FHIT: variants seen among roughly 807,000 people sequenced by gnomAD.
FHIT encodes the protein bis(5'-adenosyl)-triphosphatase.
In FHIT, 19 loss-of-function variants were observed where a neutral mutation model predicts 17.9. That is an observed-to-expected ratio of 1.06 (90% CI 0.74 to 1.56). The LOEUF (loss-of-function observed/expected upper bound fraction) is 1.56. Among genes scored for constraint, FHIT ranks in the 40% most tolerant of loss-of-function variants. The pLI is 0.00. For synonymous variants in FHIT, 81 were observed against 69.7 expected (o/e 1.16, Z -0.81); for missense variants, 248 against 189.2 (o/e 1.31, Z -1.82).
chr3:59,907,838 T>A (rs1211050986), intron 8 of FHIT, among the ~76,000 whole-genome samples: 1 of 152,250 alleles, frequency 6.6e-6, no homozygotes, highest in Admixed American at 6.5e-5. Context: ...TCTGCATTCC[T>A]TTTTGGAGGC....
intron 1 of FHIT, among the ~76,000 whole-genome samples, chr3:61,244,741 C>G (rs1169319667): frequency 1.3e-5 from 2 of 152,216 alleles, no homozygotes; most frequent in Non-Finnish European, 2.9e-5. Context: ...ACAAACAGGT[C>G]TTGCTATGTT....
intron 5 of FHIT, among the ~76,000 whole-genome samples, chr3:60,457,673 A>G (rs2032193131): frequency 6.6e-6 from 1 of 151,822 alleles, no homozygotes; most frequent in Non-Finnish European, 1.5e-5. Context: ...AATTTTTGCA[A>G]TCTACTCATC....
At chr3:60,488,854 T>A (rs79657418) in intron 5 of FHIT, among the ~76,000 whole-genome samples, 2,615 of 152,298 alleles carry the variant, frequency 0.017, 83 homozygotes, top group African/African-American at 0.059. Context: ...AAAAACTTGG[T>A]GTTAAGTTTT....
intron 4 of FHIT, among the ~76,000 whole-genome samples, chr3:60,701,400 TTTA>T (rs1334488402): frequency 1.3e-5 from 2 of 152,006 alleles, no homozygotes; most frequent in South Asian, 2.1e-4. Context: ...AGACGGGAGT[TTTA>T]TTATTACTCA....
chr3:61,232,409 T>C (rs1335289139), intron 1 of FHIT, among the ~76,000 whole-genome samples: 1 of 151,994 alleles, frequency 6.6e-6, no homozygotes, highest in Non-Finnish European at 1.5e-5. Flanking sequence ...AAAAAACGTA[T>C]TCCATAAACA....
At chr3:59,952,299 G>A (rs1212791886) in intron 7 of FHIT, among the ~76,000 whole-genome samples, 1 of 152,112 alleles carries the variant, frequency 6.6e-6, no homozygotes, top group Non-Finnish European at 1.5e-5. Context: ...TGTGCATTAA[G>A]TTCACCAGGT....
At chr3:60,319,439 TG>T (rs1709316647) in intron 5 of FHIT, among the ~76,000 whole-genome samples, 1 of 150,914 alleles carries the variant, frequency 6.6e-6, no homozygotes, top group African/African-American at 2.5e-5. Flanking sequence ...GACAGGGTGA[TG>T]TTTTTAAGGG....
intron 4 of FHIT, among the ~76,000 whole-genome samples, chr3:60,811,201 C>G (rs1553735941): frequency 6.6e-6 from 1 of 152,174 alleles, no homozygotes; most frequent in African/African-American, 2.4e-5. Flanking sequence ...TATAGTCTGA[C>G]TGTCCTGAGA....
intron 5 of FHIT, among the ~76,000 whole-genome samples, chr3:60,320,212 T>C (rs1405757815): frequency 6.6e-6 from 1 of 152,208 alleles, no homozygotes; most frequent in Non-Finnish European, 1.5e-5. Flanking sequence ...AAGCTTCCTC[T>C]TCATTTCAAA....
At chr3:60,063,300 CTAAA>C (rs780055944) in intron 5 of FHIT, among the ~76,000 whole-genome samples, 13 of 152,166 alleles carry the variant, frequency 8.5e-5, no homozygotes, top group Non-Finnish European at 1.3e-4. Flanking sequence ...TTGACAGTTA[CTAAA>C]TGAGACTGAA....
intron 3 of FHIT, among the ~76,000 whole-genome samples, chr3:60,907,364 T>G (rs1706485350): frequency 6.6e-6 from 1 of 151,872 alleles, no homozygotes; most frequent in Admixed American, 6.6e-5. Context: ...AAATACAGAC[T>G]CATGAAAGAG....
At chr3:60,941,588 T>C (rs1553774544) in intron 3 of FHIT, among the ~76,000 whole-genome samples, 3 of 152,154 alleles carry the variant, frequency 2.0e-5, no homozygotes, top group Non-Finnish European at 1.5e-5. Context: ...TTATACTTTT[T>C]CTACTGACTA....
chr3:59,783,302 C>T lies in FHIT; in HGVS notation c.349-30981G>A, dbSNP rs546110891. Among the ~76,000 whole-genome samples the T allele has an allele frequency of 9.9e-5, 15 of 152,280 alleles. 1 individual carries two copies. The South Asian group carries it at 1.5e-3, about 15-fold the overall frequency. On this transcript the variant is annotated intron_variant, in intron 8 of 9. Coordinates refer to ENST00000492590, the MANE Select transcript of FHIT (RefSeq NM_002012.4). Reference sequence around the variant, plus strand: ...TGGCCAACATGGTGAAGCCCCTTCTCTGCTAAAAATACAAAAATTAGCTGG... The same window carrying T: ...TGGCCAACATGGTGAAGCCCCTTCTTTGCTAAAAATACAAAAATTAGCTGG...
intron 8 of FHIT, among the ~76,000 whole-genome samples, chr3:59,856,521 C>T (rs947507828): frequency 1.7e-4 from 26 of 152,156 alleles, no homozygotes; most frequent in Non-Finnish European, 2.5e-4. Flanking sequence ...AAAATTACAG[C>T]CTTCTCTCAC....
intron 4 of FHIT, among the ~76,000 whole-genome samples, chr3:60,818,794 G>T (rs1701822850): frequency 6.6e-6 from 1 of 152,212 alleles, no homozygotes; most frequent in East Asian, 1.9e-4. Context: ...GGCTATGATT[G>T]CCCTGAACCC....
chr3:61,202,962 C>A (rs1049470166), intron 1 of FHIT, among the ~76,000 whole-genome samples: 1 of 151,900 alleles, frequency 6.6e-6, no homozygotes, highest in South Asian at 2.1e-4. Flanking sequence ...AGGCAGATCA[C>A]GAGGTCAGGA....
chr3:60,966,695 A>C (rs1048977815), intron 3 of FHIT, among the ~76,000 whole-genome samples: 2 of 152,240 alleles, frequency 1.3e-5, no homozygotes, highest in African/African-American at 2.4e-5. Flanking sequence ...AATGGATTGG[A>C]AGGAGACAAT....
At chr3:59,800,117 T>C (rs4019443) in intron 8 of FHIT, among the ~76,000 whole-genome samples, 13,859 of 152,304 alleles carry the variant, frequency 0.091, 838 homozygotes, top group Non-Finnish European at 0.13. Flanking sequence ...TGCCAAGAAG[T>C]GTAACTGTGC....
chr3:60,288,475 A>T (rs1248334304), intron 5 of FHIT, among the ~76,000 whole-genome samples: 3 of 152,128 alleles, frequency 2.0e-5, no homozygotes, highest in Admixed American at 1.3e-4. Flanking sequence ...GAAAGATTAA[A>T]TGACACCATG....
Sources: gnomAD v4.1 joint callset for allele counts (sites outside exome capture counted in the v4.1 genomes callset) on GRCh38, gnomAD v4.1.1 for gene constraint, MANE v1.5 for transcripts, NCBI Gene and HGNC (gene_info 2026-07-23, HGNC 2026-07-21) for gene names.